The following PPP1R16B variants were observed in gnomAD, a reference collection of about 807,000 sequenced individuals.
PPP1R16B encodes protein phosphatase 1 regulatory subunit 16B.
A neutral mutation model predicts 61.7 loss-of-function variants in PPP1R16B; 14 were observed. The ratio of observed to expected loss-of-function variants is 0.23; its 90% CI spans 0.15 to 0.35. The LOEUF is 0.35. Among genes scored for constraint, PPP1R16B ranks in the 10% least tolerant of loss-of-function variants. PPP1R16B has a pLI of 1.00. For missense variants in PPP1R16B, 547 were observed against 752.5 expected, an observed-to-expected ratio of 0.73 and a Z score of 3.19; for synonymous variants, 266 against 305.3, an observed-to-expected ratio of 0.87 and a Z score of 1.34.
chr20:38,879,045 G>C (rs1487640707), intron 2 of PPP1R16B, among the ~76,000 whole-genome samples: 3 of 152,184 alleles, frequency 2.0e-5, no homozygotes, highest in Non-Finnish European at 4.4e-5. Context: ...TCTGCGGAGC[G>C]GAAGGGAGAT....
chr20:38,863,430 G>T (rs1601267588), intron 2 of PPP1R16B, among the ~76,000 whole-genome samples: 2 of 152,344 alleles, frequency 1.3e-5, no homozygotes, highest in African/African-American at 4.8e-5. Context: ...GCCAAAGTGA[G>T]GGGTAATGGA....
intron 2 of PPP1R16B, among the ~76,000 whole-genome samples, chr20:38,845,389 A>C (rs1372892122): frequency 6.6e-6 from 1 of 152,184 alleles, no homozygotes; most frequent in Non-Finnish European, 1.5e-5. Context: ...CAAGACTGCA[A>C]TGAGCTGTGA....
chr20:38,807,787 C>T (rs1215590543), intron 1 of PPP1R16B, among the ~76,000 whole-genome samples: 8 of 152,146 alleles, frequency 5.3e-5, no homozygotes, highest in Non-Finnish European at 8.8e-5. Context: ...ACCTTCCTGG[C>T]TCCAGCTCTT....
chr20:38,826,918 A>T (rs920148281), intron 1 of PPP1R16B, among the ~76,000 whole-genome samples: 5 of 152,100 alleles, frequency 3.3e-5, no homozygotes, highest in Non-Finnish European at 5.9e-5. Flanking sequence ...TGTTCTTTTT[A>T]AAAAATTATT....
Position 38,866,494 on chromosome 20 carries a change from C to T in PPP1R16B, c.251-23101C>T, listed in dbSNP as rs951890631. On this transcript the variant is annotated intron_variant, in intron 2 of 10. Coordinates refer to ENST00000299824, the MANE Select transcript of PPP1R16B (RefSeq NM_015568.4). Reference sequence around the variant, plus strand: ...GTCCCGTAGCAGCTGCCTGTTATCTCGCCAGCACTCTTGTGGCTAGCCCTT... The same window carrying T: ...GTCCCGTAGCAGCTGCCTGTTATCTTGCCAGCACTCTTGTGGCTAGCCCTT... Among the ~76,000 whole-genome samples, 4 of 152,202 alleles carry T rather than the reference C, an allele frequency of 2.6e-5. No individual in the cohort carries two copies. In the East Asian group the frequency reaches 5.8e-4, roughly 22 times the overall value.
chr20:38,914,221 G>T (rs1198765296), intron 10 of PPP1R16B, among the ~76,000 whole-genome samples: 2 of 151,998 alleles, frequency 1.3e-5, no homozygotes, highest in African/African-American at 2.4e-5. Context: ...ATTTAATTTC[G>T]GTTGATAAAT....
chr20:38,862,834 G>T (rs575493680), intron 2 of PPP1R16B, among the ~76,000 whole-genome samples: 35 of 152,306 alleles, frequency 2.3e-4, no homozygotes, highest in African/African-American at 8.2e-4. Flanking sequence ...ATCAGTTATG[G>T]CCTTTGGAGG....
At chr20:38,814,252 T>C (rs1369939432) in intron 1 of PPP1R16B, among the ~76,000 whole-genome samples, 1 of 152,170 alleles carries the variant, frequency 6.6e-6, no homozygotes, top group Non-Finnish European at 1.5e-5. Context: ...ATCATTACAC[T>C]CTCTGGCCCT....
At chr20:38,882,651 C>T (rs1313672959) in intron 2 of PPP1R16B, among the ~76,000 whole-genome samples, 3 of 152,190 alleles carry the variant, frequency 2.0e-5, no homozygotes, top group Non-Finnish European at 4.4e-5. Context: ...GTTTCATGCC[C>T]TCAGGAACAA....
At position 38,806,709 on chromosome 20, in the gene PPP1R16B, C is replaced by G. The variant is rs2084664200; in HGVS notation, c.-102+917C>G. Among the ~76,000 whole-genome samples, 2 of 152,166 alleles carry G rather than the reference C, an allele frequency of 1.3e-5. No homozygotes were observed. The highest frequency in any genetic ancestry group is 2.9e-5 in the Non-Finnish European group (2 of 68,018). ...CTTCCCCCATGTAGACTCCCTTCCT[C>G]CGCTCCCCCACCCCGGCCCGGCCTC... is the stretch of plus-strand genomic sequence containing the variant. On this transcript the variant is annotated intron_variant, in intron 1 of 10. Transcript: ENST00000299824. The surrounding 1 kb of genome is among the most constrained non-coding windows in gnomAD (Gnocchi z 4.5).
intron 1 of PPP1R16B, among the ~76,000 whole-genome samples, chr20:38,825,539 C>T (rs898303110): frequency 6.6e-6 from 1 of 152,126 alleles, no homozygotes; most frequent in Non-Finnish European, 1.5e-5. Flanking sequence ...TGCTTGAGTT[C>T]CTAGAGTCTG....
At chr20:38,906,794 G>C (rs370089654) in intron 7 of PPP1R16B, among the ~76,000 whole-genome samples, 185 bp from the exon 8 acceptor site, 30 of 152,244 alleles carry the variant, frequency 2.0e-4, no homozygotes, top group East Asian at 1.2e-3. Context: ...ATGTGGAGGA[G>C]GTGCTAAGCT....
At chr20:38,889,436 C>A (rs1033108812) in intron 2 of PPP1R16B, among the ~76,000 whole-genome samples, 159 bp from the exon 3 acceptor site, 1 of 152,198 alleles carries the variant, frequency 6.6e-6, no homozygotes, top group African/African-American at 2.4e-5. Flanking sequence ...TGGCATCTAC[C>A]TCTTGGAAAT....
chr20:38,898,811 A>AAACAACAACAACAACAACAACAACAAC (rs145367321), intron 4 of PPP1R16B, among the ~76,000 whole-genome samples: 2 of 150,100 alleles, frequency 1.3e-5, no homozygotes, highest in African/African-American at 4.9e-5. Context: ...CCTTGTTTCA[A>AAACAACAACAACAACAACAACAACAAC]AACAACAACA....
intron 10 of PPP1R16B, among the ~76,000 whole-genome samples, chr20:38,908,873 C>T (rs1024826124): frequency 2.6e-5 from 4 of 152,232 alleles, no homozygotes; most frequent in Non-Finnish European, 5.9e-5. Context: ...GATTCTGTTC[C>T]ACGCCTCTGC....
rs542182990 is a variant in PPP1R16B, at chr20:38,918,143, C to T, written c.1195-14C>T. 19 of 1,611,826 alleles carry T rather than the reference C, an allele frequency of 1.2e-5. No individual in the cohort carries two copies. The highest frequency in any genetic ancestry group is 4.5e-5 in the East Asian group (2 of 44,832). On this transcript the variant is annotated splice_polypyrimidine_tract_variant and intron_variant, in intron 10 of 10. Transcript: ENST00000299824. The surrounding 1 kb of genome is among the most constrained non-coding windows in gnomAD (Gnocchi z 5.3). ...CTTCCAGCCAGCTGGTAATGTTGTCCTTCTCACTCGCAGAACCCCAGGCTG... is the reference window on the plus strand; with the variant it reads ...CTTCCAGCCAGCTGGTAATGTTGTCTTTCTCACTCGCAGAACCCCAGGCTG...
intron 10 of PPP1R16B, among the ~76,000 whole-genome samples, chr20:38,908,743 G>T (rs1005914624): frequency 6.6e-6 from 1 of 152,182 alleles, no homozygotes; most frequent in East Asian, 1.9e-4. Flanking sequence ...GCTGCTTTAA[G>T]AAATTATCAC....
chr20:38,816,253 A>G (rs2084734644), intron 1 of PPP1R16B, among the ~76,000 whole-genome samples: 1 of 152,196 alleles, frequency 6.6e-6, no homozygotes, highest in South Asian at 2.1e-4. Context: ...TGCAGCTGGC[A>G]CTGATTACCG....
chr20:38,868,962 A>T (rs2085107951), intron 2 of PPP1R16B, among the ~76,000 whole-genome samples: 1 of 152,170 alleles, frequency 6.6e-6, no homozygotes, highest in African/African-American at 2.4e-5. Flanking sequence ...TTCAAATCAC[A>T]TATGTGGCCT....
Sources: allele counts gnomAD v4.1 joint callset (sites outside exome capture counted in the v4.1 genomes callset), GRCh38; gene constraint gnomAD v4.1.1; non-coding constraint Gnocchi (gnomAD v3.1); transcripts MANE v1.5; gene names NCBI Gene and HGNC (gene_info 2026-07-23, HGNC 2026-07-21).